CDH13: variants seen among roughly 807,000 people sequenced by gnomAD.
CDH13 encodes cadherin 13.
In CDH13, 24 loss-of-function variants were observed where a neutral mutation model predicts 63.8. The observed-to-expected ratio is 0.38, with a 90% confidence interval of 0.27 to 0.53. CDH13 has a LOEUF of 0.53. Among genes scored for constraint, CDH13 ranks in the 20% least tolerant of loss-of-function variants. The probability of loss-of-function intolerance (pLI) is 0.85; values close to 1 mark genes in which losing one functional copy is unlikely to be tolerated. For synonymous variants in CDH13, 503 were observed against 355.3 expected (o/e 1.42, Z -4.67); for missense variants, 1,049 against 903.1 (o/e 1.16, Z -2.07).
intron 2 of CDH13, among the ~76,000 whole-genome samples, chr16:82,991,671 C>T (rs1319118242): frequency 1.3e-5 from 2 of 152,172 alleles, no homozygotes; most frequent in Non-Finnish European, 2.9e-5. Flanking sequence ...GCATGGTAAT[C>T]TCAAGCAACC....
intron 1 of CDH13, among the ~76,000 whole-genome samples, chr16:82,736,702 AG>A (rs2033691976): frequency 6.6e-6 from 1 of 152,228 alleles, no homozygotes; most frequent in Non-Finnish European, 1.5e-5. Context: ...ATAAATTTTT[AG>A]AAAAATCAGG....
At chr16:83,308,995 C>G (rs2089941194) in intron 5 of CDH13, among the ~76,000 whole-genome samples, 1 of 151,952 alleles carries the variant, frequency 6.6e-6, no homozygotes, top group Non-Finnish European at 1.5e-5. Flanking sequence ...GAGGGAAATC[C>G]CTCCCCTTGT....
At chr16:82,982,542 C>T (rs1027544460) in intron 2 of CDH13, among the ~76,000 whole-genome samples, 1 of 152,208 alleles carries the variant, frequency 6.6e-6, no homozygotes, top group African/African-American at 2.4e-5. Context: ...GCTGCATTTG[C>T]ATGGCTTCAA....
intron 10 of CDH13, among the ~76,000 whole-genome samples, chr16:83,742,059 A>G (rs1912117507): frequency 6.6e-6 from 1 of 152,222 alleles, no homozygotes; most frequent in Admixed American, 6.5e-5. Context: ...AGTGACCCCA[A>G]GAAGCCTGCA....
chr16:82,646,486 G>A (rs1197138402), intron 1 of CDH13, among the ~76,000 whole-genome samples: 1 of 152,158 alleles, frequency 6.6e-6, no homozygotes, highest in Non-Finnish European at 1.5e-5. Flanking sequence ...GAGTCACCGC[G>A]CCTGGCCTAA....
intron 6 of CDH13, among the ~76,000 whole-genome samples, chr16:83,391,870 T>A (rs914745053): frequency 6.6e-6 from 1 of 152,190 alleles, no homozygotes; most frequent in Non-Finnish European, 1.5e-5. Flanking sequence ...TACGAAAATA[T>A]TTGGGGTTTG....
chr16:83,551,977 T>C (rs1256183269), intron 7 of CDH13, among the ~76,000 whole-genome samples: 2 of 152,092 alleles, frequency 1.3e-5, no homozygotes, highest in East Asian at 3.9e-4. Context: ...GGTTAGCGGG[T>C]TAATAAGTAA....
chr16:83,097,758 A>G (rs1487455338), intron 3 of CDH13, among the ~76,000 whole-genome samples: 1 of 152,236 alleles, frequency 6.6e-6, no homozygotes, highest in East Asian at 1.9e-4. Flanking sequence ...CATTTGATCT[A>G]AAGTAGATGA....
intron 6 of CDH13, among the ~76,000 whole-genome samples, chr16:83,398,392 T>G (rs923054871): frequency 5.9e-5 from 9 of 152,196 alleles, no homozygotes; most frequent in African/African-American, 2.2e-4. Context: ...TGTTTTTACG[T>G]GGCCTCCTCC....
At chr16:83,746,533 G>C (rs746389911) in intron 10 of CDH13, among the ~76,000 whole-genome samples, 4 of 152,124 alleles carry the variant, frequency 2.6e-5, no homozygotes, top group African/African-American at 9.7e-5. Flanking sequence ...TCTTTTTCCC[G>C]TGAAGACTCG....
intron 11 of CDH13, among the ~76,000 whole-genome samples, chr16:83,748,691 A>G (rs1243837225): frequency 6.6e-6 from 1 of 152,218 alleles, no homozygotes; most frequent in East Asian, 1.9e-4. Flanking sequence ...GAAAGGCATC[A>G]GGTACCCTCA....
intron 4 of CDH13, among the ~76,000 whole-genome samples, chr16:83,126,234 C>T (rs936700233): frequency 6.6e-6 from 1 of 152,264 alleles, no homozygotes; most frequent in Non-Finnish European, 1.5e-5. Context: ...GCTTGTACTT[C>T]TGGCCACTGG....
At chr16:83,450,040 C>G (rs1330929108) in intron 6 of CDH13, among the ~76,000 whole-genome samples, 1 of 152,196 alleles carries the variant, frequency 6.6e-6, no homozygotes, top group African/African-American at 2.4e-5. Flanking sequence ...CTGCTCATCA[C>G]TGGGGTTGCA....
chr16:82,999,057 A>G (rs1196140908), intron 2 of CDH13, among the ~76,000 whole-genome samples: 2 of 152,152 alleles, frequency 1.3e-5, no homozygotes, highest in Admixed American at 6.5e-5. Flanking sequence ...TTCCATCAGC[A>G]GAAACTTTCC....
At chr16:83,306,614 A>G (rs1037590933) in intron 5 of CDH13, among the ~76,000 whole-genome samples, 55 of 152,158 alleles carry the variant, frequency 3.6e-4, no homozygotes, top group African/African-American at 1.3e-3. Flanking sequence ...CTAAATTATA[A>G]TAATTCTGTA....
chr16:83,683,892 A>C (rs527766666), intron 10 of CDH13, among the ~76,000 whole-genome samples: 1 of 152,224 alleles, frequency 6.6e-6, no homozygotes, highest in Non-Finnish European at 1.5e-5. Context: ...CTCCAAGATC[A>C]TGTACATCAG....
chr16:83,016,212 G>C (rs570131008), intron 2 of CDH13, among the ~76,000 whole-genome samples: 1 of 152,138 alleles, frequency 6.6e-6, no homozygotes. Flanking sequence ...GAAAACCCAC[G>C]TATGCACACA....
At chr16:83,026,929 C>A (rs1028257805) in intron 2 of CDH13, among the ~76,000 whole-genome samples, 3 of 152,132 alleles carry the variant, frequency 2.0e-5, no homozygotes, top group African/African-American at 7.2e-5. Flanking sequence ...CGGCTGAGTG[C>A]CATTCTAAAT....
At chr16:83,651,677 C>T (rs774088341) in intron 8 of CDH13, among the ~76,000 whole-genome samples, 1 of 138,254 alleles carries the variant, frequency 7.2e-6, no homozygotes, top group African/African-American at 2.7e-5. Flanking sequence ...CTCACTACAA[C>T]CTCTGCCTCC....
Sources: gnomAD v4.1 joint callset for allele counts (sites outside exome capture counted in the v4.1 genomes callset) on GRCh38, gnomAD v4.1.1 for gene constraint, MANE v1.5 for transcripts, NCBI Gene and HGNC (gene_info 2026-07-23, HGNC 2026-07-21) for gene names.